HAUS6: variants seen among roughly 807,000 people sequenced by gnomAD.
The protein encoded by HAUS6 is HAUS augmin like complex subunit 6.
HAUS6 carries 80 observed loss-of-function variants against 106.8 expected under a neutral mutation model. The ratio of observed to expected loss-of-function variants is 0.75; its 90% confidence interval spans 0.63 to 0.90. HAUS6 has a LOEUF of 0.90. Ranked by LOEUF, HAUS6 falls within the 40% of genes least tolerant of loss-of-function variation. The pLI is 0.00. For synonymous variants in HAUS6, 356 were observed against 379.1 expected (o/e 0.94, Z 0.71); for missense variants, 1,155 against 1,118.1 (o/e 1.03, Z -0.47).
intron 8 of HAUS6, among the ~76,000 whole-genome samples, chr9:19,082,278 C>G (rs1033838915): frequency 6.6e-6 from 1 of 152,054 alleles, no homozygotes. Context: ...ACTGTTGTTG[C>G]CTTTGAGAAT....
At chr9:19,096,600 C>G in intron 2 of HAUS6, 74 bp downstream of exon 2, 5 of 467,684 alleles carry the variant, frequency 1.1e-5, no homozygotes, top group Non-Finnish European at 1.5e-5. Context: ...GGAGAGAATT[C>G]TGGCTTGTAT....
intron 1 of HAUS6, among the ~76,000 whole-genome samples, chr9:19,101,796 T>C (rs936654238): frequency 2.6e-5 from 4 of 152,066 alleles, no homozygotes; most frequent in African/African-American, 7.2e-5. Context: ...GGCAAGTGCC[T>C]GTAATCCCAG....
At chr9:19,063,864 C>A (rs767907878) in intron 12 of HAUS6, 56 of 568,498 alleles carry the variant, frequency 9.9e-5, no homozygotes, top group Non-Finnish European at 1.7e-4. Flanking sequence ...AATGAATACT[C>A]CACAACTTGA....
intron 5 of HAUS6, among the ~76,000 whole-genome samples, chr9:19,088,415 CAA>C (rs11392937): frequency 6.6e-5 from 6 of 91,326 alleles, no homozygotes; most frequent in Admixed American, 1.2e-4. Flanking sequence ...GACTCCGTCT[CAA>C]AAAAAAAAAA....
Position 19,086,802 on chromosome 9 carries a change from C to A in HAUS6, c.651-20G>T. 1.1e-6 allele frequency: 1 copy of A among 947,300 alleles called. No individual in the cohort carries two copies. Among genetic ancestry groups the A allele is most frequent in the South Asian group, 1.5e-5 (1 of 68,564 alleles). 58.7% of individuals were successfully genotyped at this position (947,300 alleles called of 1,614,324 possible). ...TCCATTCTAATAAAAATTAAATAAT[C>A]TAATTAGTCATATTAAAAATCACAT... On this transcript the variant is annotated intron_variant, in intron 6 of 16. Coordinates refer to ENST00000380502, the MANE Select transcript of HAUS6 (RefSeq NM_017645.5).
chr9:19,058,422 T>C lies in HAUS6; in HGVS notation c.2345A>G (p.Glu782Gly), dbSNP rs776427843. 4.3e-6 allele frequency: 7 copies of C among 1,609,844 alleles called. No individual in the cohort carries two copies. In the African/African-American group the frequency reaches 9.4e-5, roughly 22 times the overall value. ...ATTAAAACTTAGATGACCAACTTCTTCCGGGAGAGTTTCGTGTAATATGCC... is the reference window on the plus strand; with the variant it reads ...ATTAAAACTTAGATGACCAACTTCTCCCGGGAGAGTTTCGTGTAATATGCC... ...DFGILHETLP[E>G]EVGHLSFNSS... is the part of the protein sequence containing the mutation. Residue 782 changes from glutamate (E) to glycine (G), a missense_variant, in exon 16 of 17, where the codon GAA becomes GGA. By Grantham distance (98) the Glu-to-Gly change is moderately conservative. This residue lies in a region of HAUS6 where 380 missense variants were observed against 394.8 expected (regional missense o/e 0.96). Transcript: ENST00000380502.
rs1483123877 is a variant in HAUS6, at chr9:19,053,347, C to G, written c.*2996G>C. Reference sequence around the variant, plus strand: ...TTACATTGAGGAAAACGTCATTAAACGTATTTTAATTTTAGTACTCTCACA... The same window carrying G: ...TTACATTGAGGAAAACGTCATTAAAGGTATTTTAATTTTAGTACTCTCACA... On this transcript the variant is annotated 3_prime_UTR_variant, in exon 17 of 17. Transcript: ENST00000380502. 1 of 152,106 alleles carries G rather than the reference C, an allele frequency of 6.6e-6. No individual in the cohort carries two copies. Among genetic ancestry groups the G allele is most frequent in the Non-Finnish European group, 1.5e-5 (1 of 67,976 alleles). The allele number at this position is 152,106 out of a possible 1,614,324, so 9.4% of individuals were successfully genotyped here.
intron 3 of HAUS6, among the ~76,000 whole-genome samples, chr9:19,094,020 G>A (rs1817809336): frequency 6.6e-6 from 1 of 152,106 alleles, no homozygotes; most frequent in African/African-American, 2.4e-5. Context: ...GATACTATCT[G>A]GGCAAACAAA....
intron 12 of HAUS6, among the ~76,000 whole-genome samples, chr9:19,068,923 T>A (rs896248680): frequency 1.3e-5 from 2 of 152,150 alleles, no homozygotes; most frequent in Admixed American, 1.3e-4. Flanking sequence ...TGGAGGAAGT[T>A]AGAACAAAAT....
At position 19,056,007 on chromosome 9, in the gene HAUS6, A is replaced by G. The variant is rs1409189441; in HGVS notation, c.*336T>C. ...ACAAAAACTATCCTTATATTAATTGACTGAAGTTATAACATAAGAAATAAG... is the reference window on the plus strand; with the variant it reads ...ACAAAAACTATCCTTATATTAATTGGCTGAAGTTATAACATAAGAAATAAG... On this transcript the variant is annotated 3_prime_UTR_variant, in exon 17 of 17. Transcript: ENST00000380502. The G allele has an allele frequency of 4.5e-6, 1 of 221,694 alleles. No homozygotes were observed. Among genetic ancestry groups the G allele is most frequent in the Non-Finnish European group, 8.8e-6 (1 of 113,402 alleles). The allele number at this position is 221,694 out of a possible 1,614,324, so 13.7% of individuals were successfully genotyped here. A position where few individuals can be genotyped will look rare whatever the true frequency, so the allele number is the denominator to read the frequency against.
intron 11 of HAUS6, among the ~76,000 whole-genome samples, chr9:19,076,057 A>G (rs1836996010): frequency 6.7e-6 from 1 of 149,682 alleles, no homozygotes; most frequent in South Asian, 2.1e-4. Context: ...GGTTTTTTTG[A>G]GATGATGAAA....
chr9:19,094,204 G>C lies in HAUS6; in HGVS notation c.303+113C>G, dbSNP rs955117391. 37 of 629,424 alleles carry C rather than the reference G, an allele frequency of 5.9e-5. No homozygotes were observed. In the Middle Eastern group the frequency reaches 2.4e-3, roughly 41 times the overall value. The allele number at this position is 629,424 out of a possible 1,614,324, so 39.0% of individuals were successfully genotyped here. A position where few individuals can be genotyped will look rare whatever the true frequency, so the allele number is the denominator to read the frequency against. ...AGACTATTTTAACTAATATTTCCTT[G>C]CTTATACTGATAGCATTAAAGCATT... On this transcript the variant is annotated intron_variant, in intron 3 of 16. Transcript: ENST00000380502.
At chr9:19,069,200 T>G (rs887370747) in intron 12 of HAUS6, among the ~76,000 whole-genome samples, 6 of 152,136 alleles carry the variant, frequency 3.9e-5, no homozygotes, top group Admixed American at 1.3e-4. Flanking sequence ...CCCAAACACT[T>G]GAACTTAGTT....
At chr9:19,076,044 G>C (rs1317831005) in intron 11 of HAUS6, among the ~76,000 whole-genome samples, 3 of 151,194 alleles carry the variant, frequency 2.0e-5, no homozygotes, top group Non-Finnish European at 4.4e-5. Flanking sequence ...TAGTGGGTTA[G>C]AGGGTTTTTT....
intron 12 of HAUS6, chr9:19,063,863 T>G (rs1402062225): frequency 8.8e-6 from 5 of 570,832 alleles, no homozygotes; most frequent in Admixed American, 4.2e-5. Context: ...TAATGAATAC[T>G]CCACAACTTG....
chr9:19,097,285 A>G (rs1817884847), intron 1 of HAUS6, among the ~76,000 whole-genome samples: 1 of 152,222 alleles, frequency 6.6e-6, no homozygotes, highest in Non-Finnish European at 1.5e-5. Context: ...CTGCACAGCA[A>G]AAGAAACTGC....
chr9:19,078,745 G>T (rs1429891471), intron 9 of HAUS6, among the ~76,000 whole-genome samples: 2 of 151,286 alleles, frequency 1.3e-5, no homozygotes, highest in African/African-American at 2.4e-5. Context: ...CCGAGATCGT[G>T]CCATTGCACT....
intron 7 of HAUS6, among the ~76,000 whole-genome samples, chr9:19,084,966 T>G (rs1837255994): frequency 6.6e-6 from 1 of 152,072 alleles, no homozygotes; most frequent in Admixed American, 6.6e-5. Flanking sequence ...CTCGCTCTGT[T>G]GCCCAGGCTA....
At chr9:19,062,835 T>C (rs1245003886) in intron 14 of HAUS6, among the ~76,000 whole-genome samples, 173 bp downstream of exon 14, 1 of 152,166 alleles carries the variant, frequency 6.6e-6, no homozygotes, top group Non-Finnish European at 1.5e-5. Context: ...TCAACTGTTT[T>C]TTTAATTTTT....
Sources: allele counts gnomAD v4.1 joint callset (sites outside exome capture counted in the v4.1 genomes callset), GRCh38; gene constraint gnomAD v4.1.1; regional missense constraint gnomAD v4.1.1; transcripts MANE v1.5; gene names NCBI Gene and HGNC (gene_info 2026-07-23, HGNC 2026-07-21).